Variants in CD3D observed in about 807,000 individuals in gnomAD.
CD3D encodes the protein CD3 delta subunit of T-cell receptor complex.
Under a neutral mutation model 22.0 loss-of-function variants are expected in CD3D, and 22 were observed. The observed-to-expected ratio is 1.00, with a 90% CI of 0.71 to 1.43. The LOEUF (loss-of-function observed/expected upper bound fraction) is 1.43, where lower values mean the gene tolerates loss of function less well. CD3D is among the 40% of genes most tolerant of loss of function. The probability of loss-of-function intolerance (pLI) is 0.00; values close to 1 mark genes in which losing one functional copy is unlikely to be tolerated. For synonymous variants in CD3D, 74 were observed against 81.2 expected (o/e 0.91, Z 0.48); for missense variants, 205 against 211.7 (o/e 0.97, Z 0.20).
chr11:118,339,941 A>G (rs1948285501), intron 2 of CD3D, 35 bp from the exon 3 acceptor site: 4 of 1,613,682 alleles, frequency 2.5e-6, no homozygotes, highest in Non-Finnish European at 3.4e-6. Flanking sequence ...AGAGGTTGAG[A>G]GCCTTTAAGA....
chr11:118,340,249 C>T lies in CD3D; in HGVS notation c.274+126G>A, dbSNP rs1948287318. On this transcript the variant is annotated intron_variant, in intron 2 of 4. Coordinates refer to ENST00000300692, the MANE Select transcript of CD3D (RefSeq NM_000732.6). Reference sequence around the variant, plus strand: ...TGAAGGTCCCCAAATCTGGCTTGTACCATTACAATAGTGACCTCACTTTGT... The same window carrying T: ...TGAAGGTCCCCAAATCTGGCTTGTATCATTACAATAGTGACCTCACTTTGT... 3 of 811,572 alleles carry T rather than the reference C, an allele frequency of 3.7e-6. No homozygotes were observed. In the East Asian group the frequency reaches 7.9e-5, roughly 21 times the overall value. 50.3% of individuals were successfully genotyped at this position (811,572 alleles called of 1,614,324 possible).
Position 118,339,217 on chromosome 11 carries a change from T to C in CD3D, c.461A>G (p.Asp154Gly). 1 of 1,613,844 alleles carries C rather than the reference T, an allele frequency of 6.2e-7. No homozygotes were observed. Among genetic ancestry groups the C allele is most frequent in the Non-Finnish European group, 8.5e-7 (1 of 1,179,880 alleles). The change falls in exon 5 of 5, where the codon GAT becomes GGT. Residue 154 changes from aspartate (D) to glycine (G), a missense_variant. Transcript: ENST00000300692. Reference protein sequence around the residue: ...RNDQVYQPLRDRDDAQYSHLG... With the variant: ...RNDQVYQPLRGRDDAQYSHLG... ...GTGGCTGTACTGAGCATCATCTCGA[T>C]CTCGGAGGGGCTAAGAGAGGAGAAG...
At chr11:118,340,245 T>G (rs1331540681) in intron 2 of CD3D, 130 bp downstream of exon 2, 5 of 798,564 alleles carry the variant, frequency 6.3e-6, no homozygotes, top group Non-Finnish European at 1.1e-5. Context: ...AAATCTGGCT[T>G]GTACCATTAC....
chr11:118,339,374 C>A (rs1350784303), intron 4 of CD3D, 77 bp downstream of exon 4: 2 of 1,559,494 alleles, frequency 1.3e-6, no homozygotes, highest in African/African-American at 1.4e-5. Flanking sequence ...TTCCCACGTG[C>A]AAACAGCATT....
chr11:118,340,606 A>T lies in CD3D; in HGVS notation c.56-13T>A. On this transcript the variant is annotated splice_polypyrimidine_tract_variant and intron_variant, in intron 1 of 4. Coordinates refer to ENST00000300692, the MANE Select transcript of CD3D (RefSeq NM_000732.6). ...TTGAAGGGGCTCACTAAAGGGGAAA[A>T]AATATCACAGTTGGAGACAGCTCTT... 1 of 1,582,566 alleles carries T rather than the reference A, an allele frequency of 6.3e-7. No individual in the cohort carries two copies.
At chr11:118,342,524 C>T (rs1399946154) in intron 1 of CD3D, 29 bp downstream of exon 1, 5 of 1,608,486 alleles carry the variant, frequency 3.1e-6, no homozygotes, top group Non-Finnish European at 3.4e-6. Context: ...TCTCAGGTCC[C>T]TTCCCCCACC....
chr11:118,339,334 C>T, intron 4 of CD3D, 107 bp from the exon 5 acceptor site: 1 of 1,485,810 alleles, frequency 6.7e-7, no homozygotes. Context: ...TCTCCAGTCA[C>T]ACCCAGCAAT....
intron 4 of CD3D, 68 bp downstream of exon 4, chr11:118,339,383 T>G: frequency 6.4e-7 from 1 of 1,573,360 alleles, no homozygotes; most frequent in Non-Finnish European, 8.7e-7. Flanking sequence ...GCAAACAGCA[T>G]TCAGTGTGAG....
intron 3 of CD3D, 47 bp downstream of exon 3, chr11:118,339,728 A>T (rs1290842078): frequency 6.2e-7 from 1 of 1,611,734 alleles, no homozygotes; most frequent in Non-Finnish European, 8.5e-7. Context: ...ACACACACAC[A>T]CACACACACA....
intron 1 of CD3D, among the ~76,000 whole-genome samples, chr11:118,342,066 G>A (rs1460381571): frequency 6.6e-6 from 1 of 152,092 alleles, no homozygotes; most frequent in Non-Finnish European, 1.5e-5. Flanking sequence ...CCCATGGCTG[G>A]AGTCAGTCAA....
chr11:118,341,879 CA>C (rs1418543406), intron 1 of CD3D, among the ~76,000 whole-genome samples: 17 of 152,172 alleles, frequency 1.1e-4, no homozygotes, highest in African/African-American at 4.1e-4. Context: ...CCAGGGATGA[CA>C]TAATCATGGC....
chr11:118,339,172 C>T lies in CD3D; in HGVS notation c.506G>A (p.Arg169Gln), dbSNP rs200108243. Residue 169 changes from arginine (R) to glutamine (Q), a missense_variant, in exon 5 of 5, where the codon CGG (arginine) becomes CAG (glutamine). Arg to Gln is a conservative substitution (Grantham distance 43). Coordinates refer to ENST00000300692, the MANE Select transcript of CD3D (RefSeq NM_000732.6). ...CCACCAGTCTCAGGTTCACTTGTTCCGAGCCCAGTTTCCTCCAAGGTGGCT... is the reference window on the plus strand; with the variant it reads ...CCACCAGTCTCAGGTTCACTTGTTCTGAGCCCAGTTTCCTCCAAGGTGGCT... ...QYSHLGGNWA[R>Q]NK 21 of 1,613,762 alleles carry T rather than the reference C, an allele frequency of 1.3e-5. No individual in the cohort carries two copies. The highest frequency in any genetic ancestry group is 3.3e-4 in the Middle Eastern group (2 of 6,084).
chr11:118,340,966 G>T, intron 1 of CD3D: 1 of 491,694 alleles, frequency 2.0e-6, no homozygotes, highest in Non-Finnish European at 4.0e-6. Flanking sequence ...AACATTCCTC[G>T]ATTGGAAATG....
chr11:118,340,812 C>T (rs112575389), intron 1 of CD3D: 1 of 672,710 alleles, frequency 1.5e-6, no homozygotes, highest in Admixed American at 2.0e-5. Flanking sequence ...AAGCAGAGGA[C>T]AGGTCTTGGG....
chr11:118,342,063 C>A (rs1292250819), intron 1 of CD3D, among the ~76,000 whole-genome samples: 2 of 152,182 alleles, frequency 1.3e-5, no homozygotes, highest in Non-Finnish European at 2.9e-5. Context: ...GCACCCATGG[C>A]TGGAGTCAGT....
At chr11:118,339,640 A>G (rs992912959) in intron 3 of CD3D, 135 bp downstream of exon 3, 2 of 1,560,074 alleles carry the variant, frequency 1.3e-6, no homozygotes, top group African/African-American at 2.7e-5. Flanking sequence ...GGAGATTGCA[A>G]GAGTAACTCC....
At chr11:118,340,024 C>G in intron 2 of CD3D, 118 bp from the exon 3 acceptor site, 1 of 1,248,170 alleles carries the variant, frequency 8.0e-7, no homozygotes, top group Non-Finnish European at 1.2e-6. Context: ...TCAATAAGAC[C>G]CTGGGAGAAA....
Position 118,339,203 on chromosome 11 carries a change from G to A in CD3D, c.475C>T (p.Gln159Ter). ...YQPLRDRDDA[Q>*]YSHLGGNWAR... is the part of the protein sequence containing the mutation. The stretch of plus-strand genomic sequence containing the variant: ...CAGTTTCCTCCAAGGTGGCTGTACT[G>A]AGCATCATCTCGATCTCGGAGGGGC... Residue 159 changes from glutamine (Q) to a stop codon, truncating the protein, a stop_gained, in exon 5 of 5, where the codon CAG (glutamine) becomes TAG (stop). Coordinates refer to ENST00000300692, the MANE Select transcript of CD3D (RefSeq NM_000732.6). LOFTEE classifies it high-confidence loss of function. The A allele has an allele frequency of 6.2e-7, 1 of 1,614,044 alleles. No homozygotes were observed. The highest frequency in any genetic ancestry group is 2.2e-5 in the East Asian group (1 of 44,882).
chr11:118,342,277 C>A (rs1948305922), intron 1 of CD3D, among the ~76,000 whole-genome samples: 2 of 151,924 alleles, frequency 1.3e-5, no homozygotes, highest in South Asian at 4.1e-4. Flanking sequence ...CTCAAGTGAC[C>A]CTCCTGCCTC....
Sources: gnomAD v4.1 joint callset for allele counts (sites outside exome capture counted in the v4.1 genomes callset) on GRCh38, gnomAD v4.1.1 for gene constraint, MANE v1.5 for transcripts, NCBI Gene and HGNC (gene_info 2026-07-23, HGNC 2026-07-21) for gene names.